The following OPCML variants were observed in gnomAD, a reference collection of about 807,000 sequenced individuals.
OPCML encodes the protein opioid binding protein/cell adhesion molecule like.
OPCML carries 13 observed loss-of-function variants against 37.8 expected under a neutral mutation model. The ratio of observed to expected loss-of-function variants is 0.34; its 90% CI spans 0.22 to 0.55. The LOEUF (loss-of-function observed/expected upper bound fraction) is 0.55. Ranked by LOEUF, OPCML falls within the 20% of genes least tolerant of loss-of-function variation. OPCML has a pLI of 0.91. For missense variants in OPCML, 341 were observed against 435.6 expected (o/e 0.78, Z 1.93); for synonymous variants, 176 against 168.8 (o/e 1.04, Z -0.33).
chr11:132,675,089 C>G (rs73597398), intron 2 of OPCML, among the ~76,000 whole-genome samples: 2,735 of 151,430 alleles, frequency 0.018, 89 homozygotes, highest in African/African-American at 0.063. Context: ...TAGGAAGCAA[C>G]TAGAAGGTGC....
chr11:133,153,304 T>A (rs981628919), intron 1 of OPCML, among the ~76,000 whole-genome samples: 2 of 152,146 alleles, frequency 1.3e-5, no homozygotes, highest in Non-Finnish European at 2.9e-5. Flanking sequence ...TATGGCTGGA[T>A]GAAACCAGCG....
chr11:133,215,203 A>T (rs900772996), intron 1 of OPCML, among the ~76,000 whole-genome samples: 6 of 148,862 alleles, frequency 4.0e-5, no homozygotes, highest in Non-Finnish European at 4.4e-5. Flanking sequence ...AGAGAGAGAG[A>T]GAGTGTGTGT....
intron 2 of OPCML, among the ~76,000 whole-genome samples, chr11:132,671,573 C>T (rs928182307): frequency 2.6e-5 from 4 of 152,064 alleles, no homozygotes; most frequent in Non-Finnish European, 2.9e-5. Flanking sequence ...GAGTCTGACC[C>T]GAAGGTAACC....
chr11:132,549,443 C>G (rs1295305870), intron 3 of OPCML, among the ~76,000 whole-genome samples: 1 of 152,230 alleles, frequency 6.6e-6, no homozygotes, highest in African/African-American at 2.4e-5. Context: ...ACATCCCATG[C>G]TGCTGCTCTG....
At chr11:132,476,403 C>T (rs568541510) in intron 4 of OPCML, among the ~76,000 whole-genome samples, 123 of 152,006 alleles carry the variant, frequency 8.1e-4, no homozygotes, top group African/African-American at 2.7e-3. Context: ...ATGTTTATTG[C>T]GGCACTATTC....
chr11:132,585,144 G>C (rs1322766475), intron 3 of OPCML, among the ~76,000 whole-genome samples: 2 of 144,488 alleles, frequency 1.4e-5, no homozygotes, highest in East Asian at 3.9e-4. Flanking sequence ...TCCACTTTTG[G>C]TCAACCTCTC....
intron 1 of OPCML, among the ~76,000 whole-genome samples, chr11:133,289,543 C>A (rs954612521): frequency 4.2e-5 from 6 of 141,998 alleles, no homozygotes; most frequent in African/African-American, 1.3e-4. Flanking sequence ...TGCAGTGAGC[C>A]GAGATCCCGC....
At chr11:133,005,994 T>C (rs1947102754) in intron 1 of OPCML, 1 of 985,306 alleles carries the variant, frequency 1.0e-6, no homozygotes, top group African/African-American at 1.7e-5. Context: ...CTCTTTTCCT[T>C]GCCCTTCTCT....
In OPCML at chr11:133,517,204, C is replaced by T. The variant is rs1014298362; in HGVS notation, c.61+15060G>A. 1.1e-4 allele frequency among the ~76,000 whole-genome samples: 16 copies of T among 152,276 alleles called. No homozygotes were observed. The East Asian group carries it at 1.2e-3, about 11-fold the overall frequency. On this transcript the variant is annotated intron_variant, in intron 1 of 7. Coordinates refer to ENST00000524381, the MANE Select transcript of OPCML (RefSeq NM_001012393.5). ...GTGAAAGGAAGGAATATCAGAATTC[C>T]TACTTTTATCTATTTTTATCTTACT...
chr11:133,415,523 A>ACAGAATG (rs1945741776), intron 1 of OPCML, among the ~76,000 whole-genome samples: 1 of 152,104 alleles, frequency 6.6e-6, no homozygotes, highest in Non-Finnish European at 1.5e-5. Flanking sequence ...GCAGTAAGAG[A>ACAGAATG]CAGAATGGAG....
intron 1 of OPCML, among the ~76,000 whole-genome samples, chr11:133,127,475 A>G (rs1452404398): frequency 6.6e-6 from 1 of 151,994 alleles, no homozygotes; most frequent in African/African-American, 2.4e-5. Flanking sequence ...TCTACAAAAA[A>G]TACAAAAATT....
At chr11:133,300,384 T>C (rs1942748356) in intron 1 of OPCML, 1 of 152,198 alleles carries the variant, frequency 6.6e-6, no homozygotes, top group African/African-American at 2.4e-5. Flanking sequence ...CCAAACATCC[T>C]TGCTTAGCCC....
chr11:132,436,976 C>T, intron 5 of OPCML, 197 bp from the exon 6 acceptor site: 4 of 938,306 alleles, frequency 4.3e-6, no homozygotes, highest in Non-Finnish European at 5.1e-6. Context: ...ACCCCAACCT[C>T]TTTTTCAGGC....
chr11:132,441,164 T>TG (rs747540088), intron 4 of OPCML, among the ~76,000 whole-genome samples: 4 of 89,536 alleles, frequency 4.5e-5, no homozygotes, highest in Admixed American at 4.2e-4. Flanking sequence ...AGGACTTTTT[T>TG]GTTTTTTTTT....
At chr11:133,048,807 G>A (rs1321183869) in intron 1 of OPCML, among the ~76,000 whole-genome samples, 1 of 152,068 alleles carries the variant, frequency 6.6e-6, no homozygotes, top group Non-Finnish European at 1.5e-5. Context: ...CTAAGCTATG[G>A]CTCTTTGAAG....
chr11:132,895,999 G>A (rs895376586), intron 2 of OPCML, among the ~76,000 whole-genome samples: 3 of 152,146 alleles, frequency 2.0e-5, no homozygotes, highest in African/African-American at 4.8e-5. Flanking sequence ...GGAATATGGT[G>A]GAAGAAATAT....
intron 2 of OPCML, among the ~76,000 whole-genome samples, chr11:132,724,164 A>G (rs776789349): frequency 5.3e-5 from 8 of 152,048 alleles, no homozygotes; most frequent in African/African-American, 9.7e-5. Context: ...ATGGGACAGA[A>G]CCCACCTCCC....
chr11:133,009,456 A>G (rs888928022), intron 1 of OPCML, among the ~76,000 whole-genome samples: 6 of 152,360 alleles, frequency 3.9e-5, no homozygotes, highest in African/African-American at 1.4e-4. Flanking sequence ...GACCTAACTT[A>G]GGAGTCAAGT....
intron 1 of OPCML, among the ~76,000 whole-genome samples, chr11:132,980,133 T>G (rs1347767272): frequency 3.3e-5 from 5 of 152,196 alleles, no homozygotes; most frequent in Non-Finnish European, 7.3e-5. Context: ...ATTCACCAAC[T>G]TGATGAAGGG....
Sources: gnomAD v4.1 joint callset for allele counts (sites outside exome capture counted in the v4.1 genomes callset) on GRCh38, gnomAD v4.1.1 for gene constraint, MANE v1.5 for transcripts, NCBI Gene and HGNC (gene_info 2026-07-23, HGNC 2026-07-21) for gene names.